The following CADPS2 variants were observed in gnomAD, a reference collection of about 807,000 sequenced individuals.
The protein encoded by CADPS2 is calcium-dependent secretion activator 2.
A neutral mutation model predicts 172.5 loss-of-function variants in CADPS2; 93 were observed. That is an observed-to-expected ratio of 0.54 (90% CI 0.46 to 0.64). The LOEUF is 0.64. Among genes scored for constraint, CADPS2 ranks in the 30% least tolerant of loss-of-function variants. CADPS2 has a pLI of 0.00. For missense variants in CADPS2, 1,420 were observed against 1,565.9 expected (o/e 0.91, Z 1.57); for synonymous variants, 546 against 555.2 (o/e 0.98, Z 0.23).
chr7:122,822,604 A>G (rs1001859023), intron 1 of CADPS2, among the ~76,000 whole-genome samples: 2 of 146,728 alleles, frequency 1.4e-5, no homozygotes, highest in Non-Finnish European at 3.0e-5. Flanking sequence ...ACTTGCACGT[A>G]TATGCCCAGA....
chr7:122,605,379 T>C (rs2073380390), intron 6 of CADPS2, among the ~76,000 whole-genome samples: 1 of 152,190 alleles, frequency 6.6e-6, no homozygotes, highest in Non-Finnish European at 1.5e-5. Context: ...TTCGGCTCCA[T>C]TATCAACTTA....
chr7:122,479,847 A>G (rs1317225341), intron 12 of CADPS2, among the ~76,000 whole-genome samples: 1 of 152,216 alleles, frequency 6.6e-6, no homozygotes, highest in Non-Finnish European at 1.5e-5. Flanking sequence ...TTATATTTTA[A>G]TTTAATAATT....
At chr7:122,559,074 C>T (rs763542705) in intron 7 of CADPS2, among the ~76,000 whole-genome samples, 8 of 152,118 alleles carry the variant, frequency 5.3e-5, no homozygotes, top group Non-Finnish European at 1.0e-4. Flanking sequence ...AGCAGACACA[C>T]AGTTGGTACA....
intron 7 of CADPS2, among the ~76,000 whole-genome samples, chr7:122,555,244 T>C (rs1360549600): frequency 2.6e-5 from 4 of 152,100 alleles, no homozygotes. Context: ...TTCAAAACTA[T>C]AGATATTATA....
intron 8 of CADPS2, among the ~76,000 whole-genome samples, chr7:122,523,500 G>A (rs555492639): frequency 6.6e-6 from 1 of 151,922 alleles, no homozygotes. Flanking sequence ...TTTTTAAGTG[G>A]TTCATGATCA....
intron 6 of CADPS2, among the ~76,000 whole-genome samples, chr7:122,586,334 C>A (rs963219453): frequency 6.6e-6 from 1 of 151,974 alleles, no homozygotes; most frequent in Middle Eastern, 3.4e-3. Context: ...CCTGCCCTGC[C>A]TTCTCAACAG....
chr7:122,828,903 A>G (rs564436744), intron 1 of CADPS2, among the ~76,000 whole-genome samples: 17 of 152,328 alleles, frequency 1.1e-4, no homozygotes, highest in Admixed American at 8.5e-4. Flanking sequence ...CTGGGGGAAC[A>G]GAATGTATCC....
intron 28 of CADPS2, among the ~76,000 whole-genome samples, chr7:122,330,257 A>G (rs909934192): frequency 6.6e-6 from 1 of 152,240 alleles, no homozygotes; most frequent in African/African-American, 2.4e-5. Flanking sequence ...GTTAAATGAA[A>G]GAACAAACAA....
At chr7:122,612,837 A>G (rs541140460) in intron 6 of CADPS2, among the ~76,000 whole-genome samples, 1 of 152,286 alleles carries the variant, frequency 6.6e-6, no homozygotes, top group Admixed American at 6.5e-5. Flanking sequence ...TAGTGGCATA[A>G]GAATAGACAT....
chr7:122,825,459 G>T (rs894382353), intron 1 of CADPS2, among the ~76,000 whole-genome samples: 1 of 151,998 alleles, frequency 6.6e-6, no homozygotes, highest in African/African-American at 2.4e-5. Context: ...GTGGGAGGGA[G>T]AGATAAAATT....
chr7:122,700,056 C>T (rs10268368), intron 2 of CADPS2, among the ~76,000 whole-genome samples: 8,027 of 152,188 alleles, frequency 0.053, 265 homozygotes, highest in African/African-American at 0.065. Flanking sequence ...CACAATATGA[C>T]ATCAAAGCTA....
intron 2 of CADPS2, among the ~76,000 whole-genome samples, chr7:122,673,028 A>G (rs2082022222): frequency 1.3e-5 from 2 of 152,116 alleles, no homozygotes. Context: ...AGACCTTCGC[A>G]GTGTTACAGC....
At chr7:122,503,895 G>A (rs185756013) in intron 9 of CADPS2, among the ~76,000 whole-genome samples, 1 of 152,280 alleles carries the variant, frequency 6.6e-6, no homozygotes, top group Admixed American at 6.5e-5. Flanking sequence ...TAATTTGGGT[G>A]ATGAATTGTT....
At chr7:122,634,056 G>A (rs1289817259) in intron 3 of CADPS2, among the ~76,000 whole-genome samples, 2 of 152,106 alleles carry the variant, frequency 1.3e-5, no homozygotes, top group Non-Finnish European at 2.9e-5. Flanking sequence ...TGAATTAACT[G>A]TTTGCTATGC....
In CADPS2 at chr7:122,393,218, T is replaced by A; in HGVS notation, c.2986A>T (p.Met996Leu). The A allele has an allele frequency of 6.2e-7, 1 of 1,613,648 alleles. No homozygotes were observed. The highest frequency in any genetic ancestry group is 8.5e-7 in the Non-Finnish European group (1 of 1,179,740). The stretch of plus-strand genomic sequence containing the variant: ...CACGTGGACTCATATAAAGAAGGCA[T>A]CCACGAAGCAGTAGAAATGTTAGGA... ...QIPNISTASW[M>L]PSLYESTNGS... The change falls in exon 22 of 30, where the codon ATG becomes TTG. Residue 996 changes from methionine to leucine, a missense_variant. Transcript: ENST00000449022.
chr7:122,545,242 C>T lies in CADPS2; in HGVS notation c.1475+9308G>A, dbSNP rs73433742. Among the ~76,000 whole-genome samples the T allele has an allele frequency of 2.8e-3, 429 of 152,230 alleles. 2 individuals are homozygous for T. The highest frequency in any genetic ancestry group is 0.017 in the Middle Eastern group (5 of 294). ...AATCAAGGGAGTGGGGACAAGATGG[C>T]TTGCAGTTAGCGGAGAGTCTGCTTC... On this transcript the variant is annotated intron_variant, in intron 8 of 29. Coordinates refer to ENST00000449022, the MANE Select transcript of CADPS2 (RefSeq NM_017954.11).
At chr7:122,418,372 T>A (rs1453078348) in intron 17 of CADPS2, among the ~76,000 whole-genome samples, 2 of 152,176 alleles carry the variant, frequency 1.3e-5, no homozygotes, top group Non-Finnish European at 2.9e-5. Context: ...CGTGGGCTCT[T>A]GTACTTGCCT....
chr7:122,599,279 T>C (rs1161589412), intron 6 of CADPS2, among the ~76,000 whole-genome samples: 2 of 151,952 alleles, frequency 1.3e-5, no homozygotes, highest in East Asian at 1.9e-4. Flanking sequence ...AAGCTGGAGA[T>C]GCAAGAGGTA....
intron 8 of CADPS2, among the ~76,000 whole-genome samples, chr7:122,525,556 G>C (rs2061162876): frequency 6.6e-6 from 1 of 152,110 alleles, no homozygotes; most frequent in South Asian, 2.1e-4. Flanking sequence ...ATCATCCTTT[G>C]GCTTCAGTGT....
Sources: gnomAD v4.1 joint callset for allele counts (sites outside exome capture counted in the v4.1 genomes callset) on GRCh38, gnomAD v4.1.1 for gene constraint, MANE v1.5 for transcripts, NCBI Gene and HGNC (gene_info 2026-07-23, HGNC 2026-07-21) for gene names.